Variants in ASIC2 observed in about 807,000 individuals in gnomAD.
ASIC2 encodes acid sensing ion channel subunit 2.
ASIC2 carries 25 observed loss-of-function variants against 57.3 expected under a neutral mutation model. That is an observed-to-expected ratio of 0.44 (90% confidence interval 0.32 to 0.61). The LOEUF is 0.61. Among genes scored for constraint, ASIC2 ranks in the 20% least tolerant of loss-of-function variants. The pLI is 0.06. For synonymous variants in ASIC2, 319 were observed against 307.5 expected, an observed-to-expected ratio of 1.04 and a Z score of -0.39; for missense variants, 641 against 738.1, an observed-to-expected ratio of 0.87 and a Z score of 1.52.
chr17:33,420,217 G>A (rs1910998248), intron 1 of ASIC2, among the ~76,000 whole-genome samples: 1 of 152,178 alleles, frequency 6.6e-6, no homozygotes, highest in Non-Finnish European at 1.5e-5. Flanking sequence ...TTGTTTGCAG[G>A]ATATTCTGTT....
intron 1 of ASIC2, among the ~76,000 whole-genome samples, chr17:33,315,597 T>C (rs1044055588): frequency 3.9e-5 from 6 of 152,222 alleles, no homozygotes; most frequent in African/African-American, 9.6e-5. Flanking sequence ...TAAATGATTC[T>C]CATTATCTGA....
chr17:34,156,489 G>C lies in ASIC2; in HGVS notation c.44C>G (p.Ser15Cys). The change falls in exon 1 of 10, where the codon TCT becomes TGT. Residue 15 changes from serine to cysteine, a missense_variant. Physicochemically the swap from Ser to Cys is moderately radical, Grantham distance 112 (BLOSUM62 -1). Coordinates refer to the ASIC2 transcript ENST00000359872. The surrounding 1 kb of genome is among the most constrained non-coding windows in gnomAD (Gnocchi z 4.4). ...GGTGTTGGCAAAGATCTGGATGCTA[G>C]AAGGTTGCAGGCTGCCCTCACTGGG... 6.2e-7 allele frequency: 1 copy of C among 1,612,250 alleles called. No individual in the cohort carries two copies. Among genetic ancestry groups the C allele is most frequent in the Non-Finnish European group, 8.5e-7 (1 of 1,178,726 alleles).
intron 1 of ASIC2, among the ~76,000 whole-genome samples, chr17:33,444,217 A>G (rs1229677978): frequency 6.6e-6 from 1 of 152,234 alleles, no homozygotes; most frequent in Non-Finnish European, 1.5e-5. Flanking sequence ...ACTCCCCTAC[A>G]GCCGAAAGTT....
intron 8 of ASIC2, among the ~76,000 whole-genome samples, chr17:33,016,369 GCCTTGGGACC>G (rs1370074726): frequency 6.6e-6 from 1 of 152,216 alleles, no homozygotes; most frequent in Non-Finnish European, 1.5e-5. Context: ...CTCAGGAGCA[GCCTTGGGACC>G]CCCTTTCTGT....
chr17:33,983,897 G>A (rs1303428134), intron 1 of ASIC2, among the ~76,000 whole-genome samples: 12 of 152,188 alleles, frequency 7.9e-5, no homozygotes, highest in Admixed American at 7.9e-4. Flanking sequence ...CCACAGCAAA[G>A]AATTATCTGG....
intron 1 of ASIC2, among the ~76,000 whole-genome samples, chr17:33,268,133 G>C (rs540908077): frequency 6.6e-6 from 1 of 152,146 alleles, no homozygotes; most frequent in African/African-American, 2.4e-5. Flanking sequence ...ACCTGACAGA[G>C]GAGTGATTAT....
chr17:33,945,032 C>T (rs535719041), intron 1 of ASIC2, among the ~76,000 whole-genome samples: 2 of 152,250 alleles, frequency 1.3e-5, no homozygotes, highest in African/African-American at 4.8e-5. Context: ...TGAGCAGATG[C>T]CTAATTTAAG....
chr17:33,727,691 A>G (rs1909608376), intron 1 of ASIC2, among the ~76,000 whole-genome samples: 2 of 152,222 alleles, frequency 1.3e-5, no homozygotes, highest in African/African-American at 4.8e-5. Flanking sequence ...CCAGAAGCCA[A>G]CGGATGGCCA....
rs188418893 is a variant in ASIC2, at chr17:34,090,688, C to A, written c.555+65290G>T. ...TAAGACACCATCCATCTGCTAAACT[C>A]TGGCAACTTCCTATAGACCCTCAGT... is the stretch of plus-strand genomic sequence containing the variant. On this transcript the variant is annotated intron_variant, in intron 1 of 9. Coordinates refer to the ASIC2 transcript ENST00000359872. Among the ~76,000 whole-genome samples the A allele has an allele frequency of 1.3e-4, 20 of 152,326 alleles. 1 individual carries two copies. The highest frequency in any genetic ancestry group is 3.4e-3 in the Middle Eastern group (1 of 294).
intron 1 of ASIC2, among the ~76,000 whole-genome samples, chr17:33,816,170 A>AGGGGGGGG (rs35521850): frequency 1.7e-5 from 2 of 119,994 alleles, no homozygotes; most frequent in African/African-American, 6.4e-5. Flanking sequence ...CACCAACTGA[A>AGGGGGGGG]GGGGGGGCGG....
At chr17:33,051,191 G>A (rs1396316235) in intron 3 of ASIC2, among the ~76,000 whole-genome samples, 2 of 152,154 alleles carry the variant, frequency 1.3e-5, no homozygotes, top group African/African-American at 4.8e-5. Flanking sequence ...TTCAGTGGAG[G>A]ACAGGCATAT....
At chr17:33,039,429 G>A (rs542683839) in intron 3 of ASIC2, among the ~76,000 whole-genome samples, 175 of 152,232 alleles carry the variant, frequency 1.1e-3, no homozygotes, top group Non-Finnish European at 2.1e-3. Context: ...CCTGTGCTCC[G>A]TGGTCAAGAT....
intron 1 of ASIC2, among the ~76,000 whole-genome samples, chr17:33,567,293 T>A (rs576646876): frequency 1.3e-5 from 2 of 151,946 alleles, no homozygotes; most frequent in Non-Finnish European, 2.9e-5. Flanking sequence ...AGCCCCAGGG[T>A]GAGAACAATT....
chr17:33,618,413 C>G (rs1323049652), intron 1 of ASIC2, among the ~76,000 whole-genome samples: 1 of 152,110 alleles, frequency 6.6e-6, no homozygotes, highest in Non-Finnish European at 1.5e-5. Context: ...GTGTATACCT[C>G]AGCTGCTCAT....
At chr17:33,970,940 T>C (rs986516391) in intron 1 of ASIC2, among the ~76,000 whole-genome samples, 1 of 152,178 alleles carries the variant, frequency 6.6e-6, no homozygotes, top group African/African-American at 2.4e-5. Flanking sequence ...CCTTCAGTCC[T>C]GCAAAAGAGG....
intron 1 of ASIC2, among the ~76,000 whole-genome samples, chr17:33,679,934 T>C (rs1014201210): frequency 1.3e-5 from 2 of 152,176 alleles, no homozygotes; most frequent in Non-Finnish European, 2.9e-5. Flanking sequence ...TTTGAGTTTG[T>C]GTAATAGCCT....
chr17:33,913,376 C>A (rs1187329639), intron 1 of ASIC2, among the ~76,000 whole-genome samples: 2 of 151,926 alleles, frequency 1.3e-5, no homozygotes, highest in Non-Finnish European at 2.9e-5. Context: ...CATGGCAATC[C>A]CTAAGTTACG....
chr17:33,429,685 C>A (rs537269073), intron 1 of ASIC2, among the ~76,000 whole-genome samples: 1 of 152,148 alleles, frequency 6.6e-6, no homozygotes, highest in Non-Finnish European at 1.5e-5. Flanking sequence ...CCACCGCCCC[C>A]AGCCCAGCCT....
intron 1 of ASIC2, among the ~76,000 whole-genome samples, chr17:34,095,288 C>CCG (rs1233669320): frequency 6.6e-6 from 1 of 152,146 alleles, no homozygotes. Flanking sequence ...TAAGGGAGCT[C>CCG]ATGCTGTCAG....
Sources: gnomAD v4.1 joint callset for allele counts (sites outside exome capture counted in the v4.1 genomes callset) on GRCh38, gnomAD v4.1.1 for gene constraint, Gnocchi (gnomAD v3.1) non-coding constraint, MANE v1.5 for transcripts, NCBI Gene and HGNC (gene_info 2026-07-23, HGNC 2026-07-21) for gene names.